SPATA45: variants seen among roughly 807,000 people sequenced by gnomAD.
SPATA45 encodes spermatogenesis-associated protein 45.
Under a neutral mutation model 7.0 loss-of-function variants are expected in SPATA45, and 5 were observed. The ratio of observed to expected loss-of-function variants is 0.71; its 90% CI spans 0.37 to 1.50. The LOEUF (loss-of-function observed/expected upper bound fraction) is 1.50, where lower values mean the gene tolerates loss of function less well. SPATA45 is among the 40% of genes most tolerant of loss of function. SPATA45 has a pLI of 0.03. For synonymous variants in SPATA45, 40 were observed against 38.7 expected (o/e 1.03, Z -0.13); for missense variants, 111 against 114.9 (o/e 0.97, Z 0.16).
intron 1 of SPATA45, among the ~76,000 whole-genome samples, chr1:212,841,631 C>CTTTTTTTTTTTTTTTT (rs5780702): frequency 8.0e-6 from 1 of 125,224 alleles, no homozygotes; most frequent in African/African-American, 3.0e-5. Flanking sequence ...AGGTATCTTT[C>CTTTTTTTTTTTTTTTT]TTTTTTTTTT....
intron 1 of SPATA45, among the ~76,000 whole-genome samples, chr1:212,836,959 A>T (rs997922118): frequency 4.0e-5 from 6 of 151,116 alleles, no homozygotes; most frequent in African/African-American, 1.5e-4. Context: ...ACCCGGCCAC[A>T]CCTCACTTTT....
At chr1:212,841,083 G>C (rs1663673855) in intron 1 of SPATA45, among the ~76,000 whole-genome samples, 1 of 152,144 alleles carries the variant, frequency 6.6e-6, no homozygotes, top group African/African-American at 2.4e-5. Context: ...TGGGATTACA[G>C]GCATGTGCCA....
chr1:212,838,789 C>T (rs1485990400), intron 1 of SPATA45, among the ~76,000 whole-genome samples: 1 of 151,554 alleles, frequency 6.6e-6, no homozygotes, highest in Admixed American at 6.6e-5. Context: ...GCATCCTCGA[C>T]CTCCCAGGCT....
intron 1 of SPATA45, among the ~76,000 whole-genome samples, chr1:212,847,173 G>T (rs1663814884): frequency 6.6e-6 from 1 of 152,174 alleles, no homozygotes; most frequent in Non-Finnish European, 1.5e-5. Flanking sequence ...TTACAGGCGT[G>T]AGCAACTGTG....
chr1:212,841,271 A>G (rs1339071078), intron 1 of SPATA45, among the ~76,000 whole-genome samples: 1 of 151,508 alleles, frequency 6.6e-6, no homozygotes, highest in Non-Finnish European at 1.5e-5. Flanking sequence ...TGATCTTCCA[A>G]CCTCAGCCTC....
intron 1 of SPATA45, among the ~76,000 whole-genome samples, chr1:212,836,932 C>T (rs1427337708): frequency 2.0e-5 from 3 of 151,060 alleles, no homozygotes; most frequent in Non-Finnish European, 4.4e-5. Context: ...GCTGGGATTA[C>T]AGGCATGAGC....
At chr1:212,837,292 A>G (rs1052169834) in intron 1 of SPATA45, among the ~76,000 whole-genome samples, 2 of 150,230 alleles carry the variant, frequency 1.3e-5, no homozygotes, top group African/African-American at 2.4e-5. Context: ...ACATCCATTA[A>G]TATTTTGGGT....
intron 2 of SPATA45, among the ~76,000 whole-genome samples, chr1:212,832,609 TAA>T (rs1663510170): frequency 2.0e-5 from 3 of 151,544 alleles, no homozygotes; most frequent in Admixed American, 2.0e-4. Context: ...GTTGAATGAA[TAA>T]AGAGTAAATG....
At chr1:212,837,675 G>A (rs1663613415) in intron 1 of SPATA45, among the ~76,000 whole-genome samples, 1 of 151,664 alleles carries the variant, frequency 6.6e-6, no homozygotes, top group South Asian at 2.1e-4. Flanking sequence ...AGTGGCTCAC[G>A]CCTATAATCC....
At chr1:212,840,568 G>A (rs578252361) in intron 1 of SPATA45, among the ~76,000 whole-genome samples, 5 of 151,768 alleles carry the variant, frequency 3.3e-5, no homozygotes, top group South Asian at 2.1e-4. Flanking sequence ...TTACAGAGGC[G>A]CACCACCATG....
chr1:212,836,821 T>A (rs1663594862), intron 1 of SPATA45, among the ~76,000 whole-genome samples: 1 of 150,264 alleles, frequency 6.7e-6, no homozygotes, highest in Non-Finnish European at 1.5e-5. Flanking sequence ...GCTAATTTTT[T>A]TTTTTTTTTG....
chr1:212,839,632 A>T (rs1016315228), intron 1 of SPATA45, among the ~76,000 whole-genome samples: 6 of 142,260 alleles, frequency 4.2e-5, no homozygotes, highest in Non-Finnish European at 7.8e-5. Context: ...AAAAAAAAAA[A>T]TGCTAGGAAA....
chr1:212,833,047 G>A (rs1663519536), intron 2 of SPATA45, among the ~76,000 whole-genome samples: 2 of 151,430 alleles, frequency 1.3e-5, no homozygotes, highest in African/African-American at 2.4e-5. Context: ...GCTGGGTAAG[G>A]GATTATAGAG....
intron 1 of SPATA45, among the ~76,000 whole-genome samples, chr1:212,838,574 G>A (rs1371334851): frequency 2.0e-5 from 3 of 151,766 alleles, no homozygotes; most frequent in South Asian, 4.2e-4. Flanking sequence ...TTACCCTAGA[G>A]CAATGAAATT....
chr1:212,840,110 T>G (rs1349207135), intron 1 of SPATA45, among the ~76,000 whole-genome samples: 1 of 151,704 alleles, frequency 6.6e-6, no homozygotes, highest in Non-Finnish European at 1.5e-5. Context: ...TTTTTTTTCT[T>G]TTTTTAAATT....
At chr1:212,841,631 CTTTTTTTTTT>C (rs5780702) in intron 1 of SPATA45, among the ~76,000 whole-genome samples, 3 of 125,224 alleles carry the variant, frequency 2.4e-5, no homozygotes, top group Admixed American at 8.2e-5. Flanking sequence ...AGGTATCTTT[CTTTTTTTTTT>C]TTTTTTTTTT....
chr1:212,843,689 C>T (rs1571994004), intron 1 of SPATA45, among the ~76,000 whole-genome samples: 1 of 152,316 alleles, frequency 6.6e-6, no homozygotes, highest in African/African-American at 2.4e-5. Context: ...GGTCTCATGC[C>T]TGTGAAACTG....
rs1014006840 is a variant in SPATA45 at position 212,839,181 on chromosome 1, T to A, written c.-38-2994A>T. ...TACCTGAGATGCTAATTCATCAATA[T>A]ATATTTTTGAGTAGTGTTCATATAT... On this transcript the variant is annotated intron_variant, in intron 1 of 2. Coordinates refer to ENST00000332912, the MANE Select transcript of SPATA45 (RefSeq NM_001024601.3). Among the ~76,000 whole-genome samples the A allele has an allele frequency of 2.8e-4, 41 of 147,862 alleles. 1 individual carries two copies. The highest frequency in any genetic ancestry group is 9.8e-4 in the African/African-American group (40 of 40,756).
At chr1:212,841,046 T>G (rs1202138942) in intron 1 of SPATA45, among the ~76,000 whole-genome samples, 1 of 152,218 alleles carries the variant, frequency 6.6e-6, no homozygotes, top group African/African-American at 2.4e-5. Flanking sequence ...TTTCATGCGA[T>G]TCTCCTGCCT....
Sources: gnomAD v4.1 joint callset for allele counts (sites outside exome capture counted in the v4.1 genomes callset) on GRCh38, gnomAD v4.1.1 for gene constraint, MANE v1.5 for transcripts, NCBI Gene and HGNC (gene_info 2026-07-23, HGNC 2026-07-21) for gene names.